The following TDRP variants were observed in gnomAD, a reference collection of about 807,000 sequenced individuals.
The protein encoded by TDRP is testis development-related protein.
In TDRP, 12 loss-of-function variants were observed where a neutral mutation model predicts 10.5. The observed-to-expected ratio is 1.15, with a 90% CI of 0.73 to 1.86. The LOEUF (loss-of-function observed/expected upper bound fraction) is 1.86. Ranked by LOEUF, TDRP falls within the 40% of genes most tolerant of loss-of-function variation. TDRP has a pLI of 0.00. For missense variants in TDRP, 353 were observed against 229.2 expected (o/e 1.54, Z -3.49); for synonymous variants, 139 against 95.4 (o/e 1.46, Z -2.67).
chr8:493,398 A>G (rs1200752519), intron 2 of TDRP, among the ~76,000 whole-genome samples: 2 of 152,246 alleles, frequency 1.3e-5, no homozygotes, highest in Admixed American at 1.3e-4. Flanking sequence ...CGGTTTACCC[A>G]TCCTCTACAG....
chr8:505,383 G>A (rs2241), intron 1 of TDRP, among the ~76,000 whole-genome samples: 121,379 of 151,792 alleles, frequency 0.8, 48,825 homozygotes, highest in African/African-American at 0.86. Context: ...CTGTTAAAGG[G>A]TAAATATTGT....
At chr8:527,400 T>TG (rs985187782) in intron 1 of TDRP, among the ~76,000 whole-genome samples, 1 of 150,850 alleles carries the variant, frequency 6.6e-6, no homozygotes, top group African/African-American at 2.4e-5. Context: ...TTCACAGAAA[T>TG]GGAAAAAAAA....
chr8:512,276 A>AACAAC (rs1563122654), intron 1 of TDRP, among the ~76,000 whole-genome samples: 3 of 151,302 alleles, frequency 2.0e-5, no homozygotes, highest in African/African-American at 7.3e-5. Flanking sequence ...ACAACAACAA[A>AACAAC]AAAAAAAATG....
In TDRP at chr8:502,550, C is replaced by A. The variant is rs188908711; in HGVS notation, c.109-7953G>T. ...CTCGGGTGACCTAGGCATACCTCAGCACACACAAACATGGAACCCAGAGCC... is the reference window on the plus strand; with the variant it reads ...CTCGGGTGACCTAGGCATACCTCAGAACACACAAACATGGAACCCAGAGCC... On this transcript the variant is annotated intron_variant, in intron 1 of 2. Coordinates refer to ENST00000324079, the MANE Select transcript of TDRP (RefSeq NM_001384899.1). Among the ~76,000 whole-genome samples the A allele has an allele frequency of 2.7e-3, 405 of 152,344 alleles. 3 individuals carry two copies. Among genetic ancestry groups the A allele is most frequent in the African/African-American group, 9.4e-3 (389 of 41,572 alleles).
intron 1 of TDRP, among the ~76,000 whole-genome samples, chr8:542,019 G>A (rs751850886): frequency 2.6e-5 from 4 of 152,126 alleles, no homozygotes; most frequent in Non-Finnish European, 5.9e-5. Flanking sequence ...CAACCAACAT[G>A]CCCTCCAGAG....
intron 1 of TDRP, among the ~76,000 whole-genome samples, chr8:528,955 G>C (rs1002431806): frequency 7.2e-5 from 11 of 152,154 alleles, no homozygotes; most frequent in Non-Finnish European, 1.2e-4. Flanking sequence ...GCCAGTCCGA[G>C]TCCCAAAACT....
At chr8:521,380 G>T (rs988321513) in intron 1 of TDRP, among the ~76,000 whole-genome samples, 4 of 150,430 alleles carry the variant, frequency 2.7e-5, no homozygotes, top group African/African-American at 9.8e-5. Flanking sequence ...TCACACCACT[G>T]CACTCCAGCC....
chr8:512,943 G>C (rs945407041), intron 1 of TDRP, among the ~76,000 whole-genome samples: 1 of 148,586 alleles, frequency 6.7e-6, no homozygotes, highest in Non-Finnish European at 1.5e-5. Flanking sequence ...CTGCACTCCA[G>C]CCTGGGTGAC....
intron 1 of TDRP, among the ~76,000 whole-genome samples, chr8:544,407 CGGGGAGT>C (rs1802580909): frequency 6.6e-6 from 1 of 152,078 alleles, no homozygotes; most frequent in Non-Finnish European, 1.5e-5. Flanking sequence ...GCCAGTTAAG[CGGGGAGT>C]GGGTCCACGC....
chr8:523,392 C>T (rs1801956675), intron 1 of TDRP, among the ~76,000 whole-genome samples: 1 of 152,030 alleles, frequency 6.6e-6, no homozygotes, highest in Non-Finnish European at 1.5e-5. Context: ...CCTGAAGGAA[C>T]ACCAAATTTA....
rs141674917 is a variant in TDRP at position 511,968 on chromosome 8, T to C, written c.109-17371A>G. ...AAATGTCTATAAAGAAAAAAAGATA[T>C]CAAATCAATAACTTAAACTTCTATC... On this transcript the variant is annotated intron_variant, in intron 1 of 2. Transcript: ENST00000324079. Among the ~76,000 whole-genome samples, 51 of 151,824 alleles carry C rather than the reference T, an allele frequency of 3.4e-4. 1 individual carries two copies. The highest frequency in any genetic ancestry group is 6.8e-3 in the Middle Eastern group (2 of 292).
chr8:512,131 A>T (rs912666759), intron 1 of TDRP, among the ~76,000 whole-genome samples: 3 of 152,168 alleles, frequency 2.0e-5, no homozygotes, highest in African/African-American at 7.2e-5. Context: ...TTTAAAAAAA[A>T]AAACAAAATT....
intron 1 of TDRP, among the ~76,000 whole-genome samples, chr8:540,734 C>T (rs2116881754): frequency 6.6e-6 from 1 of 150,690 alleles, no homozygotes; most frequent in East Asian, 2.0e-4. Flanking sequence ...TTAAGTGTCC[C>T]ATAAATCTAA....
chr8:491,548 T>G lies in TDRP; in HGVS notation c.*851A>C. On this transcript the variant is annotated 3_prime_UTR_variant, in exon 3 of 3. Coordinates refer to ENST00000324079, the MANE Select transcript of TDRP (RefSeq NM_001384899.1). ...ATCTCGCTTTGCAAGAACAAACATA[T>G]GAGCCTAATAAAAAAGAGGCACTTC... is the stretch of plus-strand genomic sequence containing the variant. 1.4e-6 allele frequency: 2 copies of G among 1,429,300 alleles called. No individual in the cohort carries two copies. The highest frequency in any genetic ancestry group is 1.9e-6 in the Non-Finnish European group (2 of 1,076,072). 88.5% of individuals were successfully genotyped at this position (1,429,300 alleles called of 1,614,324 possible). A position where few individuals can be genotyped will look rare whatever the true frequency, so the allele number is the denominator to read the frequency against.
At chr8:543,939 G>C (rs893080292) in intron 1 of TDRP, among the ~76,000 whole-genome samples, 1 of 134,846 alleles carries the variant, frequency 7.4e-6, no homozygotes, top group African/African-American at 2.7e-5. Context: ...GGGGGGGGAG[G>C]GGGTGGGGGA....
intron 1 of TDRP, among the ~76,000 whole-genome samples, chr8:505,928 C>T (rs1801450193): frequency 6.6e-6 from 1 of 152,148 alleles, no homozygotes; most frequent in African/African-American, 2.4e-5. Context: ...GCTAGCTTCA[C>T]CCAGTGCCAG....
rs144392634 is a variant in TDRP at position 528,847 on chromosome 8, ATG to A, written c.108+15801_108+15802del. Among the ~76,000 whole-genome samples, 453 of 151,388 alleles carry A rather than the reference ATG, an allele frequency of 3.0e-3. 4 individuals carry two copies. Among genetic ancestry groups the A allele is most frequent in the African/African-American group, 0.01 (430 of 41,334 alleles). The stretch of plus-strand genomic sequence containing the variant: ...TGTGTGTATATATGTGTGTGTATAT[ATG>A]TGTGTGTGTGTGTAAAGGGGAATTT... On this transcript the variant is annotated intron_variant, in intron 1 of 2. Transcript: ENST00000324079.
intron 1 of TDRP, among the ~76,000 whole-genome samples, chr8:501,369 T>C (rs183651755): frequency 3.8e-4 from 57 of 151,924 alleles, no homozygotes; most frequent in East Asian, 9.8e-4. Context: ...CTTTTTGAGA[T>C]GGAGTCTTTC....
chr8:491,518 T>G lies in TDRP; in HGVS notation c.*881A>C, dbSNP rs896167889. 2 of 1,210,788 alleles carry G rather than the reference T, an allele frequency of 1.7e-6. No individual in the cohort carries two copies. Among genetic ancestry groups the G allele is most frequent in the South Asian group, 1.5e-5 (1 of 64,670 alleles). The allele number at this position is 1,210,788 out of a possible 1,614,324, so 75.0% of individuals were successfully genotyped here. On this transcript the variant is annotated 3_prime_UTR_variant, in exon 3 of 3. Coordinates refer to ENST00000324079, the MANE Select transcript of TDRP (RefSeq NM_001384899.1). ...CTTACAGATCTAACACCAATCACAATAGGCATCTCGCTTTGCAAGAACAAA... is the reference window on the plus strand; with the variant it reads ...CTTACAGATCTAACACCAATCACAAGAGGCATCTCGCTTTGCAAGAACAAA...
Sources: gnomAD v4.1 joint callset for allele counts (sites outside exome capture counted in the v4.1 genomes callset) on GRCh38, gnomAD v4.1.1 for gene constraint, MANE v1.5 for transcripts, NCBI Gene and HGNC (gene_info 2026-07-23, HGNC 2026-07-21) for gene names.